The following TSHR variants were observed in gnomAD, a reference collection of about 807,000 sequenced individuals.
TSHR encodes the protein thyroid stimulating hormone receptor.
In TSHR, 51 loss-of-function variants were observed where a neutral mutation model predicts 64.1. The ratio of observed to expected loss-of-function variants is 0.80; its 90% CI spans 0.64 to 1.01. The LOEUF is 1.01. Among genes scored for constraint, TSHR ranks in the 50% least tolerant of loss-of-function variants. TSHR has a pLI of 0.00. For missense variants in TSHR, 877 were observed against 942.8 expected, an observed-to-expected ratio of 0.93 and a Z score of 0.91; for synonymous variants, 361 against 361.9, an observed-to-expected ratio of 1.00 and a Z score of 0.03.
At chr14:81,038,478 G>C (rs1198146068) in intron 1 of TSHR, among the ~76,000 whole-genome samples, 2 of 148,450 alleles carry the variant, frequency 1.3e-5, no homozygotes, top group African/African-American at 4.9e-5. Context: ...AGAATGAAGG[G>C]AATAATAAAG....
At chr14:81,037,419 C>CAAAAAAAAAA (rs748986847) in intron 1 of TSHR, among the ~76,000 whole-genome samples, 9 of 99,116 alleles carry the variant, frequency 9.1e-5, no homozygotes, top group East Asian at 2.9e-4. Context: ...AAAGGAAATA[C>CAAAAAAAAAA]AAAACAAACA....
intron 1 of TSHR, among the ~76,000 whole-genome samples, chr14:80,997,195 G>A (rs930949845): frequency 6.6e-6 from 1 of 152,164 alleles, no homozygotes; most frequent in Non-Finnish European, 1.5e-5. Flanking sequence ...ACTGGAAGAA[G>A]GTGTCTCTGA....
intron 1 of TSHR, among the ~76,000 whole-genome samples, chr14:80,974,767 G>A (rs1018302718): frequency 9.9e-5 from 15 of 152,150 alleles, no homozygotes; most frequent in Admixed American, 6.5e-4. Flanking sequence ...GAGGGATTGT[G>A]CTTTCTTTTT....
At chr14:80,982,708 G>C in intron 1 of TSHR, 2 of 886,146 alleles carry the variant, frequency 2.3e-6, no homozygotes, top group Non-Finnish European at 3.3e-6. Context: ...GGCATCTAAG[G>C]CAAGCCCTCC....
intron 1 of TSHR, among the ~76,000 whole-genome samples, chr14:80,981,159 G>C (rs75035179): frequency 6.6e-6 from 1 of 151,880 alleles, no homozygotes; most frequent in African/African-American, 2.4e-5. Context: ...ATGGCTCAAG[G>C]GGAGTTCCAC....
chr14:80,972,267 T>TA, intron 1 of TSHR, among the ~76,000 whole-genome samples: 1 of 152,320 alleles, frequency 6.6e-6, no homozygotes, highest in African/African-American at 2.4e-5. Flanking sequence ...TGTACTACCT[T>TA]AAAAAAACCT....
intron 8 of TSHR, among the ~76,000 whole-genome samples, chr14:81,139,226 G>C (rs1041696984): frequency 2.4e-4 from 37 of 152,152 alleles, no homozygotes; most frequent in Non-Finnish European, 4.9e-4. Context: ...TCATGATACT[G>C]ATGTTGATTC....
At chr14:81,038,022 CA>C (rs1215001155) in intron 1 of TSHR, among the ~76,000 whole-genome samples, 1 of 151,642 alleles carries the variant, frequency 6.6e-6, no homozygotes, top group Non-Finnish European at 1.5e-5. Flanking sequence ...CAGCAACCTA[CA>C]GAATACACAT....
intron 8 of TSHR, among the ~76,000 whole-genome samples, chr14:81,117,579 C>T (rs1462880873): frequency 3.6e-5 from 5 of 140,466 alleles, no homozygotes; most frequent in East Asian, 2.4e-4. Context: ...GATTCACAGC[C>T]GAATTCTACC....
At chr14:81,140,386 C>T (rs1891636695) in intron 9 of TSHR, among the ~76,000 whole-genome samples, 1 of 152,102 alleles carries the variant, frequency 6.6e-6, no homozygotes, top group Admixed American at 6.5e-5. Flanking sequence ...GTTATCCCAG[C>T]CTAGTTACTT....
chr14:81,113,505 T>G (rs1890325164), intron 8 of TSHR, among the ~76,000 whole-genome samples: 1 of 152,182 alleles, frequency 6.6e-6, no homozygotes, highest in African/African-American at 2.4e-5. Context: ...GATACAGGTA[T>G]AGAAGAAATC....
At chr14:80,973,959 C>T (rs1003045562) in intron 1 of TSHR, among the ~76,000 whole-genome samples, 7 of 152,046 alleles carry the variant, frequency 4.6e-5, no homozygotes, top group African/African-American at 1.5e-4. Flanking sequence ...CTCCCACCAT[C>T]GCCCTGGGTG....
intron 8 of TSHR, among the ~76,000 whole-genome samples, chr14:81,135,735 G>A (rs1001191000): frequency 1.3e-5 from 2 of 152,182 alleles, no homozygotes; most frequent in African/African-American, 4.8e-5. Context: ...AAGCTTCAAG[G>A]CAAGAATCAT....
chr14:81,129,315 A>G (rs1036349312), intron 8 of TSHR, among the ~76,000 whole-genome samples: 2 of 151,904 alleles, frequency 1.3e-5, no homozygotes, highest in African/African-American at 4.8e-5. Flanking sequence ...CCTCCCTCAT[A>G]TCCTCACTCT....
chr14:81,064,664 A>T (rs1368986556), intron 2 of TSHR, among the ~76,000 whole-genome samples: 1 of 152,148 alleles, frequency 6.6e-6, no homozygotes, highest in East Asian at 1.9e-4. Flanking sequence ...ACTAATTTAG[A>T]AGGAAATAAG....
chr14:81,024,000 G>A (rs1015425108), intron 1 of TSHR, among the ~76,000 whole-genome samples: 1 of 152,108 alleles, frequency 6.6e-6, no homozygotes, highest in Non-Finnish European at 1.5e-5. Context: ...TATTTAGGCA[G>A]ATATTCTTCT....
intron 1 of TSHR, among the ~76,000 whole-genome samples, chr14:80,999,345 T>C (rs1346215466): frequency 6.6e-6 from 1 of 152,210 alleles, no homozygotes; most frequent in Non-Finnish European, 1.5e-5. Flanking sequence ...AAGACTTTCC[T>C]CCTCTTCACC....
intron 3 of TSHR, among the ~76,000 whole-genome samples, chr14:81,073,901 C>T (rs946343628): frequency 3.4e-4 from 52 of 152,256 alleles, no homozygotes; most frequent in African/African-American, 1.1e-3. Flanking sequence ...CTCCAAATCT[C>T]ATATCCATTT....
At chr14:81,068,180 TG>T in intron 2 of TSHR, 73 bp from the exon 3 acceptor site, 1 of 1,427,808 alleles carries the variant, frequency 7.0e-7, no homozygotes, top group African/African-American at 1.4e-5. Flanking sequence ...CAAAAAGTTA[TG>T]TCAAAAATAG....
Sources: allele counts gnomAD v4.1 joint callset (sites outside exome capture counted in the v4.1 genomes callset), GRCh38; gene constraint gnomAD v4.1.1; transcripts MANE v1.5; gene names NCBI Gene and HGNC (gene_info 2026-07-23, HGNC 2026-07-21).